The following ASMT variants were observed in gnomAD, a reference collection of about 807,000 sequenced individuals.
The protein encoded by ASMT is acetylserotonin N-methyltransferase.
In ASMT, 53 loss-of-function variants were observed where a neutral mutation model predicts 41.3. That is an observed-to-expected ratio of 1.28 (90% CI 1.03 to 1.61). The LOEUF is 1.61. ASMT is among the 40% of genes most tolerant of loss of function. The pLI is 0.00. For synonymous variants in ASMT, 231 were observed against 184.8 expected, an observed-to-expected ratio of 1.25 and a Z score of -2.03; for missense variants, 531 against 441.3, an observed-to-expected ratio of 1.20 and a Z score of -1.82.
chrX:1,623,784 A>G (rs1934423467), intron 2 of ASMT, among the ~76,000 whole-genome samples: 1 of 151,272 alleles, frequency 6.6e-6, no homozygotes, highest in Non-Finnish European at 1.5e-5. Flanking sequence ...GCTGGTCTCG[A>G]GCTCCTGACC....
At chrX:1,621,822 A>C (rs1171390476) in intron 1 of ASMT, among the ~76,000 whole-genome samples, 1 of 151,522 alleles carries the variant, frequency 6.6e-6, no homozygotes, top group East Asian at 1.9e-4. Flanking sequence ...CAGCCTCCCG[A>C]GTAGCTGGGA....
chrX:1,632,385 C>T (rs2149469526), intron 5 of ASMT, among the ~76,000 whole-genome samples: 1 of 152,212 alleles, frequency 6.6e-6, no homozygotes, highest in Non-Finnish European at 1.5e-5. Context: ...GGCGCGGTGG[C>T]TCACGCCTGT....
intron 3 of ASMT, among the ~76,000 whole-genome samples, chrX:1,626,239 T>A (rs781598923): frequency 2.0e-5 from 3 of 150,070 alleles, no homozygotes; most frequent in Admixed American, 1.3e-4. Context: ...ATTTCCTTTT[T>A]TTTTTTTTTT....
rs755678487 is a variant in ASMT at position 1,623,283 on chromosome X, C to G, written c.214C>G (p.Leu72Val). The change falls in exon 2 of 9, where the codon CTG (leucine) becomes GTG (valine). Residue 72 changes from leucine to valine, a missense_variant. By Grantham distance (32) the Leu-to-Val change is conservative. Transcript: ENST00000381241. ...GCTGGACATCTGTGTGTCCCTGAAG[C>G]TGCTGAAAGTGGAGACGAGGGGAGG... ...LLLDICVSLK[L>V]LKVETRGGKA... 4.3e-6 allele frequency: 7 copies of G among 1,613,808 alleles called. No homozygotes were observed. Among genetic ancestry groups the G allele is most frequent in the Non-Finnish European group, 5.9e-6 (7 of 1,179,884 alleles).
At chrX:1,626,435 T>A (rs1393869281) in intron 3 of ASMT, among the ~76,000 whole-genome samples, 8 of 151,916 alleles carry the variant, frequency 5.3e-5, no homozygotes, top group African/African-American at 1.9e-4. Flanking sequence ...TTTCACCCTG[T>A]CTTTGAGGCT....
intron 7 of ASMT, among the ~76,000 whole-genome samples, chrX:1,635,100 G>A (rs1393083087): frequency 1.2e-4 from 18 of 147,882 alleles, no homozygotes; most frequent in East Asian, 2.0e-4. Flanking sequence ...TCAGCCTCCC[G>A]AGTAGCTGGG....
intron 7 of ASMT, among the ~76,000 whole-genome samples, chrX:1,635,200 G>A (rs1934916787): frequency 6.8e-6 from 1 of 147,270 alleles, no homozygotes; most frequent in Admixed American, 6.9e-5. Context: ...TAGCCAGGAT[G>A]GTCTCAATCT....
intron 8 of ASMT, among the ~76,000 whole-genome samples, chrX:1,641,392 G>C (rs1402940640): frequency 6.9e-6 from 1 of 144,344 alleles, no homozygotes; most frequent in African/African-American, 2.5e-5. Context: ...TGTCCTGTGA[G>C]GTCCACCTAT....
At chrX:1,628,005 C>G in intron 4 of ASMT, 4 of 608,192 alleles carry the variant, frequency 6.6e-6, no homozygotes, top group Admixed American at 5.9e-5. Context: ...GGACTACTCA[C>G]AAACTCAGTG....
chrX:1,627,956 A>G (rs1385565929), intron 4 of ASMT, 185 bp downstream of exon 4: 6 of 674,156 alleles, frequency 8.9e-6, no homozygotes, highest in Admixed American at 2.6e-5. Flanking sequence ...TAAATTGATC[A>G]AATTCCTGAG....
At chrX:1,631,055 C>T (rs1426974783) in intron 5 of ASMT, among the ~76,000 whole-genome samples, 4 of 148,732 alleles carry the variant, frequency 2.7e-5, no homozygotes, top group South Asian at 2.2e-4. Context: ...GGACTACAGG[C>T]GCCCGCCACC....
At chrX:1,616,955 G>A (rs758339323) in intron 1 of ASMT, among the ~76,000 whole-genome samples, 29 of 151,932 alleles carry the variant, frequency 1.9e-4, no homozygotes, top group East Asian at 5.9e-4. Context: ...TGATCCGCCC[G>A]CCTCGGCCTC....
Position 1,636,260 on chromosome X carries a change from G to A in ASMT, c.788-178G>A. On this transcript the variant is annotated intron_variant, in intron 7 of 8. Coordinates refer to ENST00000381241, the MANE Select transcript of ASMT (RefSeq NM_001171038.2). ...GCGTGAGCCACCGCGCCCGACCTCA[G>A]TATTTTCTTATCTTTCTCCTAAGCC... The A allele has an allele frequency of 3.1e-6, 3 of 972,880 alleles. No individual in the cohort carries two copies. In the South Asian group the frequency reaches 3.9e-5, roughly 13 times the overall value. 60.3% of individuals were successfully genotyped at this position (972,880 alleles called of 1,614,324 possible). A position where few individuals can be genotyped will look rare whatever the true frequency, so the allele number is the denominator to read the frequency against.
chrX:1,636,250 C>G, intron 7 of ASMT, 188 bp from the exon 8 acceptor site: 1 of 876,234 alleles, frequency 1.1e-6, no homozygotes, highest in Non-Finnish European at 1.9e-6. Context: ...AGCCACCGCG[C>G]CCGACCTCAG....
At chrX:1,628,753 CTCTT>C (rs1934654615) in intron 4 of ASMT, among the ~76,000 whole-genome samples, 1 of 151,164 alleles carries the variant, frequency 6.6e-6, no homozygotes, top group South Asian at 2.1e-4. Flanking sequence ...TGTCTCCTCT[CTCTT>C]CTTCCCTCTC....
rs867951722 is a variant in ASMT, at chrX:1,640,460, A to G, written c.911-2343A>G. Among the ~76,000 whole-genome samples, 113 of 40,052 alleles carry G rather than the reference A, an allele frequency of 2.8e-3. 6 individuals carry two copies. The highest frequency in any genetic ancestry group is 8.4e-3 in the South Asian group (7 of 832). 26.3% of individuals were successfully genotyped at this position (40,052 alleles called of 152,430 possible). The stretch of plus-strand genomic sequence containing the variant: ...TGGGCACAGCCTCTGTGTGTGAGAT[A>G]GGGACCATGTCCCAGCTCTCCTGTG... On this transcript the variant is annotated intron_variant, in intron 8 of 8. Transcript: ENST00000381241.
rs760913251 is a variant in ASMT, at chrX:1,636,557, C to A, written c.907C>A (p.Pro303Thr). The part of the protein sequence containing the change: ...LLERIYHTCK[P>T]GGGILVIESL... ...GGAGAGGATCTACCACACTTGCAAG[C>A]CAGGTAAGTTGTGGGGTTTGCATTT... The change falls in exon 8 of 9, where the codon CCA (proline) becomes ACA (threonine). Residue 303 changes from proline to threonine, a missense_variant. Physicochemically the swap from Pro to Thr is conservative, Grantham distance 38. Coordinates refer to ENST00000381241, the MANE Select transcript of ASMT (RefSeq NM_001171038.2). The A allele has an allele frequency of 6.2e-7, 1 of 1,609,602 alleles. No homozygotes were observed. Among genetic ancestry groups the A allele is most frequent in the South Asian group, 1.1e-5 (1 of 90,810 alleles).
intron 1 of ASMT, among the ~76,000 whole-genome samples, chrX:1,620,989 G>A (rs1341678948): frequency 2.6e-5 from 4 of 151,922 alleles, no homozygotes; most frequent in Non-Finnish European, 5.9e-5. Flanking sequence ...ACAGCTACTC[G>A]GGAGGCTGGG....
rs1209503614 is a variant in ASMT, at chrX:1,625,542, A to AAGGG, written c.374+1170_374+1173dup. Among the ~76,000 whole-genome samples, 1,351 of 68,264 alleles carry AAGGG rather than the reference A, an allele frequency of 0.02. 76 individuals are homozygous for AAGGG. In the East Asian group the frequency reaches 0.2, roughly 10 times the overall value. 44.8% of individuals were successfully genotyped at this position (68,264 alleles called of 152,430 possible). A position where few individuals can be genotyped will look rare whatever the true frequency, so the allele number is the denominator to read the frequency against. On this transcript the variant is annotated intron_variant, in intron 3 of 8. Transcript: ENST00000381241. The stretch of plus-strand genomic sequence containing the variant: ...AGAGAGAGGGGAGAAGGAAGGAAGG[A>AAGGG]AGGGAGGGAGGGAGGGAGGGAGGGA...
Sources: allele counts gnomAD v4.1 joint callset (sites outside exome capture counted in the v4.1 genomes callset), GRCh38; gene constraint gnomAD v4.1.1; transcripts MANE v1.5; gene names NCBI Gene and HGNC (gene_info 2026-07-23, HGNC 2026-07-21).